Variants in BTBD7 observed in about 807,000 individuals in gnomAD.
BTBD7 encodes the protein BTB domain containing 7, also known as BTB/POZ domain-containing protein 7.
A neutral mutation model predicts 99.9 loss-of-function variants in BTBD7; 38 were observed. The ratio of observed to expected loss-of-function variants is 0.38; its 90% CI spans 0.29 to 0.50. The LOEUF (loss-of-function observed/expected upper bound fraction) is 0.50. Among genes scored for constraint, BTBD7 ranks in the 20% least tolerant of loss-of-function variants. The pLI, the probability that BTBD7 is intolerant of heterozygous loss-of-function variation, is 0.93. For synonymous variants in BTBD7, 520 were observed against 511.4 expected (o/e 1.02, Z -0.23); for missense variants, 1,170 against 1,394.6 (o/e 0.84, Z 2.57).
intron 3 of BTBD7, among the ~76,000 whole-genome samples, chr14:93,272,955 C>G (rs1438977048): frequency 6.6e-6 from 1 of 152,192 alleles, no homozygotes; most frequent in Non-Finnish European, 1.5e-5. Context: ...TACTTACTGA[C>G]TAAATGACCT....
intron 3 of BTBD7, among the ~76,000 whole-genome samples, chr14:93,264,305 A>G (rs893055472): frequency 2.6e-5 from 4 of 152,214 alleles, no homozygotes; most frequent in Non-Finnish European, 4.4e-5. Context: ...ATTGGACCAA[A>G]AGGGAAAGAA....
At chr14:93,303,452 T>A (rs935157260) in intron 1 of BTBD7, among the ~76,000 whole-genome samples, 21 of 141,926 alleles carry the variant, frequency 1.5e-4, no homozygotes, top group African/African-American at 5.5e-4. Context: ...AAAAAAAAGT[T>A]AAAAAAAAAA....
At chr14:93,248,413 C>T in intron 9 of BTBD7, 63 bp downstream of exon 9, 1 of 1,551,316 alleles carries the variant, frequency 6.4e-7, no homozygotes, top group South Asian at 1.2e-5. Context: ...TCAGGATGCC[C>T]ACAATACTGC....
At chr14:93,257,103 TCTATTAGTAGCAGAA>T in intron 6 of BTBD7, 77 bp downstream of exon 6, 1 of 1,283,632 alleles carries the variant, frequency 7.8e-7, no homozygotes, top group East Asian at 2.3e-5. Context: ...TTCACAATAC[TCTATTAGTAGCAGAA>T]ATTATTTACA....
In BTBD7 at chr14:93,294,781, G is replaced by A. The variant is rs755505054; in HGVS notation, c.239C>T (p.Ala80Val). 1 of 1,613,864 alleles carries A rather than the reference G, an allele frequency of 6.2e-7. No homozygotes were observed. The highest frequency in any genetic ancestry group is 8.5e-7 in the Non-Finnish European group (1 of 1,180,002). ...TTCTCGCATCTGCTTGGCATGATCGGCAGACCTATTAGATTTCCGACGCTT... is the reference window on the plus strand; with the variant it reads ...TTCTCGCATCTGCTTGGCATGATCGACAGACCTATTAGATTTCCGACGCTT... ...FIKRRKSNRS[A>V]DHAKQMRELL... The change falls in exon 3 of 11, where the codon GCC becomes GTC. Residue 80 changes from alanine to valine, a missense_variant. By Grantham distance (64) the Ala-to-Val change is moderately conservative. Coordinates refer to ENST00000334746, the MANE Select transcript of BTBD7 (RefSeq NM_001002860.4).
At chr14:93,326,438 G>A (rs1180276601) in intron 1 of BTBD7, among the ~76,000 whole-genome samples, 1 of 152,190 alleles carries the variant, frequency 6.6e-6, no homozygotes, top group Non-Finnish European at 1.5e-5. Flanking sequence ...CTGCAGCTTA[G>A]GCGACAGAGC....
At chr14:93,321,709 T>G in intron 1 of BTBD7, among the ~76,000 whole-genome samples, 1 of 152,164 alleles carries the variant, frequency 6.6e-6, no homozygotes, top group East Asian at 1.9e-4. Flanking sequence ...GGAGCAAAAC[T>G]GCCCAAGTTT....
At chr14:93,300,959 A>G (rs2052997801) in intron 1 of BTBD7, among the ~76,000 whole-genome samples, 1 of 151,870 alleles carries the variant, frequency 6.6e-6, no homozygotes, top group Non-Finnish European at 1.5e-5. Context: ...AGGGGAAAAA[A>G]AGAGGCACCT....
chr14:93,247,328 T>TTTTTTTTG, intron 9 of BTBD7, among the ~76,000 whole-genome samples: 1 of 149,298 alleles, frequency 6.7e-6, no homozygotes, highest in South Asian at 2.1e-4. Flanking sequence ...GCCTATTCTT[T>TTTTTTTTG]TTTGTTTGTT....
At position 93,242,388 on chromosome 14, in the gene BTBD7, T is replaced by C. The variant is rs1243780770; in HGVS notation, c.3284A>G (p.Glu1095Gly). ...TCTCTGAGCTCCATGGCCCAGGGACTCACTGTCTGCCAGTCTTCTACCGGA... is the reference window on the plus strand; with the variant it reads ...TCTCTGAGCTCCATGGCCCAGGGACCCACTGTCTGCCAGTCTTCTACCGGA... ...ERSGRRLADSESLGHGAQRNT... is the reference protein window; with the variant it reads ...ERSGRRLADSGSLGHGAQRNT... The change falls in exon 11 of 11, where the codon GAG becomes GGG. Residue 1095 changes from glutamate (E) to glycine (G), a missense_variant. Glu to Gly is a moderately conservative substitution (Grantham distance 98). Coordinates refer to ENST00000334746, the MANE Select transcript of BTBD7 (RefSeq NM_001002860.4). 4 of 1,614,104 alleles carry C rather than the reference T, an allele frequency of 2.5e-6. No individual in the cohort carries two copies. Among genetic ancestry groups the C allele is most frequent in the Non-Finnish European group, 3.4e-6 (4 of 1,180,034 alleles).
intron 9 of BTBD7, among the ~76,000 whole-genome samples, chr14:93,246,860 A>G (rs1300995584): frequency 9.7e-6 from 1 of 103,228 alleles, no homozygotes; most frequent in Non-Finnish European, 2.1e-5. Flanking sequence ...ACCAGACTAT[A>G]TATTTTAAGG....
At chr14:93,325,206 TG>T (rs1595345332) in intron 1 of BTBD7, among the ~76,000 whole-genome samples, 1 of 148,884 alleles carries the variant, frequency 6.7e-6, no homozygotes, top group African/African-American at 2.5e-5. Context: ...CTCCGCCTCT[TG>T]GGGACAAGCG....
At chr14:93,253,547 T>A in intron 7 of BTBD7, 100 bp downstream of exon 7, 1 of 1,096,168 alleles carries the variant, frequency 9.1e-7, no homozygotes, top group Non-Finnish European at 1.2e-6. Context: ...TTGTTGAAAA[T>A]ATAGGCTATT....
intron 8 of BTBD7, among the ~76,000 whole-genome samples, chr14:93,250,800 G>A (rs1442141951): frequency 6.6e-6 from 1 of 152,140 alleles, no homozygotes; most frequent in Non-Finnish European, 1.5e-5. Flanking sequence ...ATAAACCTGT[G>A]CTACAGTAAA....
intron 6 of BTBD7, among the ~76,000 whole-genome samples, chr14:93,255,265 T>C (rs7156581): frequency 0.38 from 58,062 of 151,836 alleles, 12,235 homozygotes; most frequent in African/African-American, 0.57. Context: ...CCCATCTCAG[T>C]TTCTCAGGTA....
chr14:93,287,116 C>G (rs1418380635), intron 3 of BTBD7, among the ~76,000 whole-genome samples: 3 of 151,850 alleles, frequency 2.0e-5, no homozygotes, highest in Admixed American at 6.6e-5. Context: ...GTAATCCCAG[C>G]TACTTGTGAG....
intron 1 of BTBD7, among the ~76,000 whole-genome samples, chr14:93,308,090 C>G (rs7144149): frequency 2.0e-5 from 3 of 151,764 alleles, no homozygotes; most frequent in Non-Finnish European, 4.4e-5. Flanking sequence ...GTCAGGAGAT[C>G]GAGACCATCC....
At chr14:93,310,755 A>C (rs1383242233) in intron 1 of BTBD7, among the ~76,000 whole-genome samples, 2 of 150,180 alleles carry the variant, frequency 1.3e-5, no homozygotes, top group African/African-American at 5.0e-5. Flanking sequence ...ACAAACAAAC[A>C]AAAAAACCAA....
In BTBD7 at chr14:93,246,249, T is replaced by C; in HGVS notation, c.2159A>G (p.Asp720Gly). The C allele has an allele frequency of 1.3e-6, 2 of 1,510,678 alleles. No individual in the cohort carries two copies. Among genetic ancestry groups the C allele is most frequent in the Non-Finnish European group, 1.8e-6 (2 of 1,128,362 alleles). 93.6% of individuals were successfully genotyped at this position (1,510,678 alleles called of 1,614,324 possible). The stretch of plus-strand genomic sequence containing the variant: ...TCTCATTGTCAAGAGTGGACTTTCA[T>C]CCCCAAAACGTTCATCAGGAAAGAA... Reference protein sequence around the residue: ...HKFFPDERFGDESPLLTMRQP... With the variant: ...HKFFPDERFGGESPLLTMRQP... Residue 720 changes from aspartate to glycine, a missense_variant, in exon 10 of 11, where the codon GAT (aspartate) becomes GGT (glycine). Physicochemically the swap from Asp to Gly is moderately conservative, Grantham distance 94. Coordinates refer to ENST00000334746, the MANE Select transcript of BTBD7 (RefSeq NM_001002860.4).
Sources: allele counts gnomAD v4.1 joint callset (sites outside exome capture counted in the v4.1 genomes callset), GRCh38; gene constraint gnomAD v4.1.1; transcripts MANE v1.5; gene names NCBI Gene and HGNC (gene_info 2026-07-23, HGNC 2026-07-21).